Variants in GRIA1 observed in about 807,000 individuals in gnomAD.
GRIA1 encodes glutamate receptor 1.
A neutral mutation model predicts 99.2 loss-of-function variants in GRIA1; 31 were observed. The observed-to-expected ratio is 0.31, with a 90% confidence interval of 0.23 to 0.42. The LOEUF is 0.42. GRIA1 is among the 10% of genes least tolerant of loss of function. The probability of loss-of-function intolerance (pLI) is 1.00; values close to 1 mark genes in which losing one functional copy is unlikely to be tolerated. For synonymous variants in GRIA1, 438 were observed against 432.4 expected, an observed-to-expected ratio of 1.01 and a Z score of -0.16; for missense variants, 782 against 1,157.5, an observed-to-expected ratio of 0.68 and a Z score of 4.71.
intron 2 of GRIA1, among the ~76,000 whole-genome samples, chr5:153,535,466 G>A (rs1015960750): frequency 6.6e-6 from 1 of 152,154 alleles, no homozygotes; most frequent in African/African-American, 2.4e-5. Context: ...ACATATGATA[G>A]GCCAAAACCC....
intron 2 of GRIA1, among the ~76,000 whole-genome samples, chr5:153,611,849 TTA>T (rs1766018542): frequency 6.6e-6 from 1 of 152,182 alleles, no homozygotes; most frequent in African/African-American, 2.4e-5. Context: ...ATTTGTTCAT[TTA>T]TGTTTTCCGC....
chr5:153,659,428 G>A (rs560724591), intron 5 of GRIA1, among the ~76,000 whole-genome samples: 21 of 152,268 alleles, frequency 1.4e-4, no homozygotes, highest in African/African-American at 4.8e-4. Flanking sequence ...ACACACAAGT[G>A]CTGAGCCTGG....
intron 2 of GRIA1, among the ~76,000 whole-genome samples, chr5:153,609,185 C>T (rs1052016079): frequency 2.4e-4 from 36 of 152,152 alleles, no homozygotes; most frequent in African/African-American, 8.7e-4. Flanking sequence ...TAGTAAATAT[C>T]CCCAAGGTGC....
intron 1 of GRIA1, among the ~76,000 whole-genome samples, chr5:153,492,797 A>G (rs1222838162): frequency 6.6e-6 from 1 of 151,870 alleles, no homozygotes; most frequent in Non-Finnish European, 1.5e-5. Context: ...CAAAAAAAAA[A>G]GAGATTGAAG....
At position 153,811,797 on chromosome 5, in the gene GRIA1, T is replaced by C. The variant is rs1766835685; in HGVS notation, c.*572T>C. Reference sequence around the variant, plus strand: ...GGGGGCTCTCCATGTTACCCTCCACTCCTTGGCCCAAACCTCTGATGGAGA... The same window carrying C: ...GGGGGCTCTCCATGTTACCCTCCACCCCTTGGCCCAAACCTCTGATGGAGA... On this transcript the variant is annotated 3_prime_UTR_variant, in exon 16 of 16. Coordinates refer to ENST00000285900, the MANE Select transcript of GRIA1 (RefSeq NM_000827.4). 1 of 153,840 alleles carries C rather than the reference T, an allele frequency of 6.5e-6. No homozygotes were observed. Among genetic ancestry groups the C allele is most frequent in the African/African-American group, 2.4e-5 (1 of 41,418 alleles). The allele number at this position is 153,840 out of a possible 1,614,324, so 9.5% of individuals were successfully genotyped here.
intron 11 of GRIA1, among the ~76,000 whole-genome samples, chr5:153,762,949 C>G (rs1371586992): frequency 3.3e-5 from 5 of 152,224 alleles, no homozygotes; most frequent in African/African-American, 1.2e-4. Flanking sequence ...GAACATGTCT[C>G]TTCAAGTCTC....
intron 2 of GRIA1, among the ~76,000 whole-genome samples, chr5:153,549,618 C>T (rs1256128688): frequency 6.6e-6 from 1 of 152,096 alleles, no homozygotes. Context: ...CAAAAATGGC[C>T]AAAGAATGGA....
intron 7 of GRIA1, among the ~76,000 whole-genome samples, chr5:153,679,163 T>C (rs575572653): frequency 2.0e-5 from 3 of 152,298 alleles, no homozygotes; most frequent in African/African-American, 7.2e-5. Context: ...TGAGGATCTA[T>C]GGTGTGCCCT....
At chr5:153,536,291 T>A (rs1260295464) in intron 2 of GRIA1, among the ~76,000 whole-genome samples, 3 of 152,310 alleles carry the variant, frequency 2.0e-5, no homozygotes, top group Non-Finnish European at 2.9e-5. Context: ...AGACTTTTAA[T>A]CGTCCCTCAG....
chr5:153,666,477 G>A (rs981321893), intron 5 of GRIA1, among the ~76,000 whole-genome samples: 1 of 152,164 alleles, frequency 6.6e-6, no homozygotes, highest in African/African-American at 2.4e-5. Context: ...GTATAAAAAT[G>A]TGTGCTGCTC....
chr5:153,674,752 C>A, intron 6 of GRIA1, 91 bp downstream of exon 6: 1 of 1,354,824 alleles, frequency 7.4e-7, no homozygotes, highest in Non-Finnish European at 1.0e-6. Flanking sequence ...ACAAAGGAAT[C>A]AGTTTTCTAA....
At chr5:153,749,273 A>G (rs1351664259) in intron 11 of GRIA1, among the ~76,000 whole-genome samples, 3 of 152,122 alleles carry the variant, frequency 2.0e-5, no homozygotes, top group Non-Finnish European at 4.4e-5. Flanking sequence ...AAGTCATGAG[A>G]TGGGATTCAT....
At chr5:153,746,339 A>AT (rs143223617) in intron 11 of GRIA1, among the ~76,000 whole-genome samples, 6,599 of 152,124 alleles carry the variant, frequency 0.043, 333 homozygotes, top group African/African-American at 0.12. Flanking sequence ...GCAAATGGGG[A>AT]TTTTCAATGG....
chr5:153,519,800 T>C (rs753301105), intron 2 of GRIA1, among the ~76,000 whole-genome samples: 2 of 152,226 alleles, frequency 1.3e-5, no homozygotes, highest in Admixed American at 1.3e-4. Flanking sequence ...TATATAATGA[T>C]AATAATTAGT....
At chr5:153,541,952 A>C (rs1425923371) in intron 2 of GRIA1, among the ~76,000 whole-genome samples, 4 of 141,696 alleles carry the variant, frequency 2.8e-5, no homozygotes, top group East Asian at 4.4e-4. Context: ...AAAAAAAAAA[A>C]CAAGAAAAGT....
intron 2 of GRIA1, among the ~76,000 whole-genome samples, chr5:153,557,301 G>T (rs1224206864): frequency 1.3e-5 from 2 of 152,200 alleles, no homozygotes; most frequent in East Asian, 1.9e-4. Context: ...TCTCACTCTT[G>T]TCACCCAGGC....
chr5:153,680,535 C>T (rs1384803130), intron 7 of GRIA1, among the ~76,000 whole-genome samples: 1 of 152,098 alleles, frequency 6.6e-6, no homozygotes, highest in African/African-American at 2.4e-5. Context: ...TTCTGCATGA[C>T]CAGGAGTAGA....
intron 2 of GRIA1, among the ~76,000 whole-genome samples, chr5:153,583,063 G>A (rs1003474740): frequency 6.6e-6 from 1 of 152,072 alleles, no homozygotes; most frequent in African/African-American, 2.4e-5. Flanking sequence ...CTCCCAAAGT[G>A]CTGGGATTAC....
At chr5:153,735,809 G>A (rs1761340793) in intron 11 of GRIA1, among the ~76,000 whole-genome samples, 1 of 152,172 alleles carries the variant, frequency 6.6e-6, no homozygotes, top group South Asian at 2.1e-4. Context: ...AACAGTTAAT[G>A]TTTTAGGTCT....
Sources: gnomAD v4.1 joint callset for allele counts (sites outside exome capture counted in the v4.1 genomes callset) on GRCh38, gnomAD v4.1.1 for gene constraint, MANE v1.5 for transcripts, NCBI Gene and HGNC (gene_info 2026-07-23, HGNC 2026-07-21) for gene names.